The following NCF2 variants were observed in gnomAD, a reference collection of about 807,000 sequenced individuals.
The protein encoded by NCF2 is neutrophil cytosol factor 2.
In NCF2, 45 loss-of-function variants were observed where a neutral mutation model predicts 70.9. That is an observed-to-expected ratio of 0.63 (90% confidence interval 0.50 to 0.81). NCF2 has a LOEUF of 0.81. NCF2 is among the 40% of genes least tolerant of loss of function. NCF2 has a pLI of 0.00. For synonymous variants in NCF2, 203 were observed against 233.6 expected (o/e 0.87, Z 1.19); for missense variants, 522 against 631.6 (o/e 0.83, Z 1.86).
chr1:183,596,838 G>A, the NCF2 span, among the ~76,000 whole-genome samples: 1 of 151,856 alleles, frequency 6.6e-6, no homozygotes. Context: ...CACATCCTAC[G>A]TAAAGTCTTC....
the NCF2 span, chr1:183,598,353 A>G: frequency 6.6e-6 from 1 of 152,166 alleles, no homozygotes; most frequent in Non-Finnish European, 1.5e-5. Context: ...ATCAATTGCT[A>G]AAGAGAGACA....
chr1:183,573,887 C>T (rs745516007), intron 4 of NCF2, among the ~76,000 whole-genome samples: 6 of 152,302 alleles, frequency 3.9e-5, no homozygotes, highest in Admixed American at 6.5e-5. Flanking sequence ...GTCAGCAGTT[C>T]GAGACCTGCC....
chr1:183,590,148 C>A lies in NCF2; in HGVS notation c.174+8G>T. On this transcript the variant is annotated splice_region_variant and intron_variant, in intron 1 of 14. Coordinates refer to ENST00000367535, the MANE Select transcript of NCF2 (RefSeq NM_000433.4). The stretch of plus-strand genomic sequence containing the variant: ...AGAGGAGGCCCGGAAAGAGGCACCT[C>A]CACTCACCTTCTCTGCTTCAGTCAT... The A allele has an allele frequency of 6.2e-7, 1 of 1,614,164 alleles. No homozygotes were observed. Among genetic ancestry groups the A allele is most frequent in the Non-Finnish European group, 8.5e-7 (1 of 1,180,038 alleles).
At chr1:183,593,374 T>C (rs535712577), upstream of NCF2, among the ~76,000 whole-genome samples, 7 of 136,468 alleles carry the variant, frequency 5.1e-5, no homozygotes, top group East Asian at 1.4e-3. Flanking sequence ...TCATGGCCCC[T>C]GTTTTTAAAC....
intron 1 of NCF2, 70 bp downstream of exon 1, chr1:183,590,086 A>C: frequency 6.2e-7 from 1 of 1,605,902 alleles, no homozygotes; most frequent in Non-Finnish European, 8.5e-7. Context: ...AGGTTTCCGA[A>C]ATGCAATGGG....
chr1:183,576,818 A>C (rs769923458), intron 3 of NCF2, among the ~76,000 whole-genome samples: 2 of 152,166 alleles, frequency 1.3e-5, no homozygotes, highest in Non-Finnish European at 2.9e-5. Flanking sequence ...AAACTAAAGC[A>C]AGGGGACTTT....
chr1:183,590,413 C>T lies in NCF2; in HGVS notation c.-84G>A. 6.7e-7 allele frequency: 1 copy of T among 1,487,250 alleles called. No individual in the cohort carries two copies. Among genetic ancestry groups the T allele is most frequent in the Non-Finnish European group, 9.3e-7 (1 of 1,072,402 alleles). 92.1% of individuals were successfully genotyped at this position (1,487,250 alleles called of 1,614,324 possible). ...GGAGCGTCTCCCCTAGCAGGGCTGC[C>T]TTAGTGGCCCCCAAGGTGTTCACTT... On this transcript the variant is annotated 5_prime_UTR_variant, in exon 1 of 15. Coordinates refer to ENST00000367535, the MANE Select transcript of NCF2 (RefSeq NM_000433.4).
the NCF2 span, among the ~76,000 whole-genome samples, chr1:183,599,671 C>A: frequency 1.3e-5 from 2 of 151,854 alleles, no homozygotes; most frequent in African/African-American, 4.8e-5. Flanking sequence ...CCTGCCTCAG[C>A]CTCCCAAGTA....
chr1:183,575,546 G>C (rs749895398), intron 3 of NCF2, among the ~76,000 whole-genome samples: 4 of 152,136 alleles, frequency 2.6e-5, no homozygotes. Flanking sequence ...TTTACACACA[G>C]AATCAAATAA....
At chr1:183,567,533 T>A in intron 7 of NCF2, 188 bp from the exon 8 acceptor site, 1 of 780,536 alleles carries the variant, frequency 1.3e-6, no homozygotes, top group Non-Finnish European at 2.3e-6. Flanking sequence ...GGTGTACACC[T>A]GCTCATAACC....
chr1:183,555,621 C>T lies in NCF2; in HGVS notation c.*497G>A, dbSNP rs1429125849. 1.2e-5 allele frequency: 2 copies of T among 171,848 alleles called. No individual in the cohort carries two copies. The highest frequency in any genetic ancestry group is 4.8e-5 in the African/African-American group (2 of 41,718). 10.6% of individuals were successfully genotyped at this position (171,848 alleles called of 1,614,324 possible). A position where few individuals can be genotyped will look rare whatever the true frequency, so the allele number is the denominator to read the frequency against. On this transcript the variant is annotated 3_prime_UTR_variant, in exon 15 of 15. Transcript: ENST00000367535. ...GCCTTATGAGTAACCTATAAGGTTA[C>T]TTCAAGCCTTAAGAGCCAATTACAG...
chr1:183,599,423 C>CTTCTTTCTTTCTTT, the NCF2 span, among the ~76,000 whole-genome samples: 1 of 107,508 alleles, frequency 9.3e-6, no homozygotes, highest in Admixed American at 1.0e-4. Flanking sequence ...TCTTTCTTTC[C>CTTCTTTCTTTCTTT]TTCTTTCTTT....
chr1:183,583,012 C>T (rs2102925145), intron 2 of NCF2, among the ~76,000 whole-genome samples: 1 of 152,166 alleles, frequency 6.6e-6, no homozygotes, highest in Admixed American at 6.5e-5. Context: ...CCATCCATAA[C>T]ATTATCAGCC....
At chr1:183,598,319 C>G in the NCF2 span, 4 of 152,012 alleles carry the variant, frequency 2.6e-5, no homozygotes, top group South Asian at 8.3e-4. Flanking sequence ...TAGATGTAAG[C>G]CCCAGGCCCA....
At chr1:183,587,123 T>C in intron 1 of NCF2, 146 bp from the exon 2 acceptor site, 1 of 787,272 alleles carries the variant, frequency 1.3e-6, no homozygotes, top group Non-Finnish European at 2.3e-6. Flanking sequence ...CCCTGTGCTC[T>C]CACGGTGCAC....
At chr1:183,581,709 C>T (rs1370330991) in intron 2 of NCF2, among the ~76,000 whole-genome samples, 1 of 151,518 alleles carries the variant, frequency 6.6e-6, no homozygotes, top group Non-Finnish European at 1.5e-5. Context: ...CGCTCTGTTG[C>T]CCTGGCTGGA....
upstream of NCF2, among the ~76,000 whole-genome samples, chr1:183,593,010 T>C (rs1209392592): frequency 6.6e-6 from 1 of 152,230 alleles, no homozygotes; most frequent in Admixed American, 6.5e-5. Context: ...CACACTGCCC[T>C]GAAATCAGTC....
chr1:183,569,890 A>C (rs1412139451), intron 6 of NCF2, among the ~76,000 whole-genome samples: 1 of 152,126 alleles, frequency 6.6e-6, no homozygotes, highest in East Asian at 1.9e-4. Context: ...GTGCCTGGCC[A>C]CTTCTGAGTA....
intron 3 of NCF2, 103 bp downstream of exon 3, chr1:183,577,496 T>C (rs1672848584): frequency 1.0e-6 from 1 of 965,292 alleles, no homozygotes; most frequent in Non-Finnish European, 1.7e-6. Context: ...AAATGGCTTT[T>C]CCAAGCTCCT....
Sources: gnomAD v4.1 joint callset for allele counts (sites outside exome capture counted in the v4.1 genomes callset) on GRCh38, gnomAD v4.1.1 for gene constraint, MANE v1.5 for transcripts, NCBI Gene and HGNC (gene_info 2026-07-23, HGNC 2026-07-21) for gene names.